The following RTN4 variants were observed in gnomAD, a reference collection of about 807,000 sequenced individuals.
RTN4 encodes reticulon-4.
A neutral mutation model predicts 90.4 loss-of-function variants in RTN4; 32 were observed. That is an observed-to-expected ratio of 0.35 (90% CI 0.27 to 0.48). The LOEUF (loss-of-function observed/expected upper bound fraction) is 0.48. Among genes scored for constraint, RTN4 ranks in the 20% least tolerant of loss-of-function variants. The pLI, the probability that RTN4 is intolerant of heterozygous loss-of-function variation, is 0.99. For synonymous variants in RTN4, 629 were observed against 552.5 expected (o/e 1.14, Z -1.94); for missense variants, 1,706 against 1,430.2 (o/e 1.19, Z -3.11).
intron 2 of RTN4, among the ~76,000 whole-genome samples, chr2:55,069,372 C>T (rs1407750894): frequency 6.6e-6 from 1 of 152,066 alleles, no homozygotes; most frequent in Non-Finnish European, 1.5e-5. Context: ...TGTAACCGCC[C>T]CCCTCAAAAA....
rs1668389176 is a variant in RTN4, at chr2:55,066,193, T to TGTTTG, written c.-63+14295_-63+14296insCAAAC. On this transcript the variant is annotated intron_variant, in intron 2 of 3. Coordinates refer to the RTN4 transcript ENST00000427710. Reference sequence around the variant, plus strand: ...TTTGTGTGTGTGTGTGTGTGTGTGTTTGTGTGTGTGTGTGTGTGTGTGTGT... The same window carrying TGTTTG: ...TTTGTGTGTGTGTGTGTGTGTGTGTTGTTTGTGTGTGTGTGTGTGTGTGTGTGTGT... 2.6e-4 allele frequency among the ~76,000 whole-genome samples: 29 copies of TGTTTG among 111,046 alleles called. 1 individual carries two copies. Among genetic ancestry groups the TGTTTG allele is most frequent in the Admixed American group, 9.1e-4 (9 of 9,858 alleles). The allele number at this position is 111,046 out of a possible 152,430, so 72.9% of individuals were successfully genotyped here. A position where few individuals can be genotyped will look rare whatever the true frequency, so the allele number is the denominator to read the frequency against.
At position 54,973,966 on chromosome 2, in the gene RTN4, C is replaced by A. The variant is rs1677381093; in HGVS notation, c.3431-99G>T. 49 of 1,022,730 alleles carry A rather than the reference C, an allele frequency of 4.8e-5. No individual in the cohort carries two copies. In the South Asian group the frequency reaches 5.9e-4, roughly 12 times the overall value. 63.4% of individuals were successfully genotyped at this position (1,022,730 alleles called of 1,614,324 possible). ...AAACTGGCAACTCAAGATAACCAAG[C>A]AGTGTTCCTAATGAATGAATAAAAA... On this transcript the variant is annotated intron_variant, in intron 6 of 8. Coordinates refer to ENST00000337526, the MANE Select transcript of RTN4 (RefSeq NM_020532.5).
chr2:55,113,357 T>C (rs1255087903), upstream of RTN4, among the ~76,000 whole-genome samples: 2 of 152,174 alleles, frequency 1.3e-5, no homozygotes, highest in Non-Finnish European at 2.9e-5. Context: ...CAGGTCAATG[T>C]GGAACTGAAT....
intron 2 of RTN4, among the ~76,000 whole-genome samples, chr2:55,059,419 T>A (rs1668250008): frequency 6.6e-6 from 1 of 152,058 alleles, no homozygotes; most frequent in African/African-American, 2.4e-5. Context: ...AGTGGTGCGA[T>A]CACGGCTCAC....
In RTN4 at chr2:54,993,089, A is replaced by G. The variant is rs973766985; in HGVS notation, c.3014-5391T>C. On this transcript the variant is annotated intron_variant, in intron 3 of 8. Coordinates refer to ENST00000337526, the MANE Select transcript of RTN4 (RefSeq NM_020532.5). Reference sequence around the variant, plus strand: ...ACTCCATCTCGGAAAAAAAAAAAAAAAAAAGAAAAGAAATTAAACATATAA... The same window carrying G: ...ACTCCATCTCGGAAAAAAAAAAAAAGAAAAGAAAAGAAATTAAACATATAA... 2.0e-4 allele frequency among the ~76,000 whole-genome samples: 31 copies of G among 151,796 alleles called. 1 individual carries two copies. The highest frequency in any genetic ancestry group is 3.4e-4 in the African/African-American group (14 of 41,408).
At position 54,972,731 on chromosome 2, in the gene RTN4, A is replaced by G. The variant is rs201606813; in HGVS notation, c.*425T>C. The stretch of plus-strand genomic sequence containing the variant: ...CCGGTATGATCTCGTCTAAACAAAC[A>G]TTTCATTTCAGAAAATCTGCATCAA... On this transcript the variant is annotated 3_prime_UTR_variant, in exon 9 of 9. Transcript: ENST00000337526. The G allele has an allele frequency of 1.0e-4, 16 of 154,318 alleles. No individual in the cohort carries two copies. The highest frequency in any genetic ancestry group is 2.0e-4 in the Non-Finnish European group (14 of 70,698). The allele number at this position is 154,318 out of a possible 1,614,324, so 9.6% of individuals were successfully genotyped here.
At chr2:55,012,462 A>G (rs1680714949) in intron 3 of RTN4, among the ~76,000 whole-genome samples, 1 of 152,196 alleles carries the variant, frequency 6.6e-6, no homozygotes, top group South Asian at 2.1e-4. Context: ...CTTTCTCACA[A>G]AGTTTTTCAA....
At chr2:55,101,767 T>G (rs1361430100) in intron 1 of RTN4, among the ~76,000 whole-genome samples, 1 of 152,138 alleles carries the variant, frequency 6.6e-6, no homozygotes, top group East Asian at 1.9e-4. Context: ...TTAGAAGAAC[T>G]GCTGCATGTG....
At chr2:54,984,074 T>C (rs1362101496) in intron 4 of RTN4, among the ~76,000 whole-genome samples, 2 of 152,218 alleles carry the variant, frequency 1.3e-5, no homozygotes, top group African/African-American at 4.8e-5. Context: ...GTTTTCCCAA[T>C]CTGCAATGCT....
intron 1 of RTN4, 171 bp downstream of exon 1, chr2:55,049,574 G>C (rs955489819): frequency 1.8e-6 from 2 of 1,102,554 alleles, no homozygotes; most frequent in African/African-American, 3.1e-5. Flanking sequence ...TCCAAGGGCC[G>C]CCCCACCCTT....
chr2:55,087,594 G>A (rs1014608166), intron 1 of RTN4, among the ~76,000 whole-genome samples: 5 of 151,922 alleles, frequency 3.3e-5, no homozygotes, highest in Non-Finnish European at 5.9e-5. Context: ...TCTGAATCTT[G>A]TTGATGGCCA....
At chr2:55,134,699 C>G in the RTN4 span, among the ~76,000 whole-genome samples, 4 of 150,868 alleles carry the variant, frequency 2.7e-5, 1 homozygote, top group Admixed American at 2.7e-4. Context: ...GGTTTATAAT[C>G]TAATTCTCCA....
rs536932093 is a variant in RTN4, at chr2:54,990,086, G to A, written c.3014-2388C>T. Reference sequence around the variant, plus strand: ...AATGGTTGAATAACTTACGAGCTACGTGACCTCAGGAAAGTCACTAAAGTC... The same window carrying A: ...AATGGTTGAATAACTTACGAGCTACATGACCTCAGGAAAGTCACTAAAGTC... On this transcript the variant is annotated intron_variant, in intron 3 of 8. Transcript: ENST00000337526. Among the ~76,000 whole-genome samples, 15 of 152,264 alleles carry A rather than the reference G, an allele frequency of 9.9e-5. No homozygotes were observed. In the East Asian group the frequency reaches 1.7e-3, roughly 18 times the overall value.
intron 3 of RTN4, chr2:55,010,332 G>C: frequency 7.2e-7 from 1 of 1,382,954 alleles, no homozygotes; most frequent in Non-Finnish European, 9.4e-7. Flanking sequence ...CTGTAACTAG[G>C]CTACTAATAC....
intron 1 of RTN4, among the ~76,000 whole-genome samples, chr2:55,101,145 T>A (rs764371173): frequency 3.9e-5 from 6 of 152,058 alleles, no homozygotes; most frequent in Non-Finnish European, 8.8e-5. Flanking sequence ...AAATAATAAT[T>A]ATTTTACATG....
upstream of RTN4, among the ~76,000 whole-genome samples, chr2:55,053,871 C>G (rs1192870842): frequency 1.3e-5 from 2 of 152,252 alleles, no homozygotes; most frequent in East Asian, 1.9e-4. Context: ...TAACCAATCT[C>G]TCTTCCATTA....
Position 55,049,891 on chromosome 2 carries a change from T to A in RTN4, c.410A>T (p.Asp137Val). 1.3e-5 allele frequency: 17 copies of A among 1,319,754 alleles called. No homozygotes were observed. Among genetic ancestry groups the A allele is most frequent in the Non-Finnish European group, 1.4e-5 (15 of 1,038,684 alleles). The allele number at this position is 1,319,754 out of a possible 1,614,324, so 81.8% of individuals were successfully genotyped here. The change falls in exon 1 of 9, where the codon GAC (aspartate) becomes GTC (valine). Residue 137 changes from aspartate to valine, a missense_variant. Asp to Val is a radical substitution (Grantham distance 152, BLOSUM62 -3). Transcript: ENST00000337526. ...AGGGGGAGGCCGGGCCGGAGGCTCG[T>A]CGTCCTCAGGGAGCTTGGAGGGCGA... Reference protein sequence around the residue: ...AVSPSKLPEDDEPPARPPPPP... With the variant: ...AVSPSKLPEDVEPPARPPPPP...
At chr2:55,038,889 T>C (rs1682871216) in intron 1 of RTN4, among the ~76,000 whole-genome samples, 1 of 152,252 alleles carries the variant, frequency 6.6e-6, no homozygotes, top group African/African-American at 2.4e-5. Context: ...AACTGTGCTA[T>C]TCTTAGCATG....
Position 55,026,040 on chromosome 2 carries a change from G to A in RTN4, c.2059C>T (p.Leu687Phe). The change falls in exon 3 of 9, where the codon CTT becomes TTT. Residue 687 changes from leucine (L) to phenylalanine (F), a missense_variant. Physicochemically the swap from Leu to Phe is conservative, Grantham distance 22. Coordinates refer to ENST00000337526, the MANE Select transcript of RTN4 (RefSeq NM_020532.5). Reference sequence around the variant, plus strand: ...ATATAAGGAGCTTCTGTTTCTTGAAGAGCTGCATTAATATTTTCAGGCTCT... The same window carrying A: ...ATATAAGGAGCTTCTGTTTCTTGAAAAGCTGCATTAATATTTTCAGGCTCT... ...IKEPENINAA[L>F]QETEAPYISI... The A allele has an allele frequency of 6.2e-7, 1 of 1,610,966 alleles. No individual in the cohort carries two copies. The highest frequency in any genetic ancestry group is 8.5e-7 in the Non-Finnish European group (1 of 1,179,284).
Sources: gnomAD v4.1 joint callset for allele counts (sites outside exome capture counted in the v4.1 genomes callset) on GRCh38, gnomAD v4.1.1 for gene constraint, MANE v1.5 for transcripts, NCBI Gene and HGNC (gene_info 2026-07-23, HGNC 2026-07-21) for gene names.